The following DCAF17 variants were observed in gnomAD, a reference collection of about 807,000 sequenced individuals.
DCAF17 encodes the protein DDB1 and CUL4 associated factor 17.
Under a neutral mutation model 66.0 loss-of-function variants are expected in DCAF17, and 48 were observed. The ratio of observed to expected loss-of-function variants is 0.73; its 90% CI spans 0.58 to 0.92. The LOEUF is 0.92. Ranked by LOEUF, DCAF17 falls within the 40% of genes least tolerant of loss-of-function variation. The pLI is 0.00. For synonymous variants in DCAF17, 206 were observed against 214.6 expected (o/e 0.96, Z 0.35); for missense variants, 562 against 622.8 (o/e 0.90, Z 1.04).
intron 12 of DCAF17, among the ~76,000 whole-genome samples, chr2:171,478,444 T>C (rs1345668576): frequency 6.6e-6 from 1 of 152,216 alleles, no homozygotes; most frequent in Non-Finnish European, 1.5e-5. Flanking sequence ...CCTCATTTTT[T>C]ACTTGCTAGA....
intron 2 of DCAF17, chr2:171,443,001 TTA>T (rs1694393732): frequency 6.5e-6 from 1 of 152,732 alleles, no homozygotes; most frequent in African/African-American, 2.4e-5. Flanking sequence ...AAGTATAAAT[TTA>T]CTCAACCTTT....
At chr2:171,480,334 G>A (rs1460210430) in intron 13 of DCAF17, 141 bp downstream of exon 13, 14 of 1,022,492 alleles carry the variant, frequency 1.4e-5, no homozygotes, top group Non-Finnish European at 5.8e-6. Context: ...CCTATATACA[G>A]GACAAAAGAG....
At chr2:171,453,437 TG>T (rs1695069106) in intron 6 of DCAF17, among the ~76,000 whole-genome samples, 1 of 152,170 alleles carries the variant, frequency 6.6e-6, no homozygotes, top group South Asian at 2.1e-4. Context: ...TGGATACCTG[TG>T]GTCATTAACA....
rs1559264135 is a variant in DCAF17 at position 171,448,746 on chromosome 2, G to A, written c.387G>A (p.Trp129Ter). The stretch of plus-strand genomic sequence containing the variant: ...TCATAGCACTGACTGCTCATAATTG[G>A]CTACTTCGTATATCAGCAACTACGG... Reference protein sequence around the residue: ...SSLIALTAHNWLLRISATTGK... With the variant: ...SSLIALTAHN Residue 129 changes from tryptophan to a stop codon, truncating the protein, a stop_gained, in exon 4 of 14, where the codon TGG (tryptophan) becomes TGA (stop). Transcript: ENST00000375255. LOFTEE classifies it high-confidence loss of function. 2.5e-6 allele frequency: 4 copies of A among 1,612,622 alleles called. No individual in the cohort carries two copies. The highest frequency in any genetic ancestry group is 3.4e-6 in the Non-Finnish European group (4 of 1,179,446).
intron 2 of DCAF17, among the ~76,000 whole-genome samples, chr2:171,441,120 A>G (rs544000774): frequency 2.0e-3 from 300 of 152,302 alleles, no homozygotes; most frequent in Non-Finnish European, 2.6e-3. Flanking sequence ...TTTGCCTTTC[A>G]TCACAAACTC....
intron 9 of DCAF17, among the ~76,000 whole-genome samples, chr2:171,473,342 C>T (rs1366539339): frequency 9.2e-5 from 14 of 152,074 alleles, no homozygotes; most frequent in Admixed American, 8.5e-4. Context: ...CAGTGGCTTA[C>T]GCATGTAGTC....
chr2:171,478,178 G>T, intron 12 of DCAF17, 108 bp downstream of exon 12: 1 of 979,478 alleles, frequency 1.0e-6, no homozygotes, highest in Non-Finnish European at 1.6e-6. Flanking sequence ...TTGAGGGGTT[G>T]CAGGCAGGCC....
intron 3 of DCAF17, among the ~76,000 whole-genome samples, chr2:171,445,098 C>T (rs1298717111): frequency 6.6e-6 from 1 of 151,706 alleles, no homozygotes; most frequent in African/African-American, 2.4e-5. Context: ...GTATAAAACA[C>T]CAAAAATTTA....
intron 8 of DCAF17, among the ~76,000 whole-genome samples, chr2:171,461,202 T>G (rs4668386): frequency 6.6e-6 from 1 of 152,090 alleles, no homozygotes; most frequent in Admixed American, 6.5e-5. Context: ...CCCAGCACTT[T>G]AGGAGGCTGA....
intron 6 of DCAF17, among the ~76,000 whole-genome samples, chr2:171,454,157 T>C (rs2105763824): frequency 6.6e-6 from 1 of 152,094 alleles, no homozygotes; most frequent in Middle Eastern, 3.4e-3. Context: ...GTGACAGAGT[T>C]AGACTCTGTC....
chr2:171,445,931 C>T (rs1357566232), intron 3 of DCAF17, among the ~76,000 whole-genome samples: 1 of 152,122 alleles, frequency 6.6e-6, no homozygotes, highest in Non-Finnish European at 1.5e-5. Flanking sequence ...GATCTGCCCG[C>T]CTTGGCCTCC....
rs770193682 is a variant in DCAF17 at position 171,483,593 on chromosome 2, A to G, written c.*2479A>G. 11 of 454,024 alleles carry G rather than the reference A, an allele frequency of 2.4e-5. No individual in the cohort carries two copies. The highest frequency in any genetic ancestry group is 4.9e-5 in the Non-Finnish European group (11 of 226,802). The allele number at this position is 454,024 out of a possible 1,614,324, so 28.1% of individuals were successfully genotyped here. A position where few individuals can be genotyped will look rare whatever the true frequency, so the allele number is the denominator to read the frequency against. ...AGTGAGGAGATACCGCTCTGTTTAG[A>G]CAAATTAAGGCACTTCACATTCTTC... On this transcript the variant is annotated 3_prime_UTR_variant, in exon 14 of 14. Coordinates refer to ENST00000375255, the MANE Select transcript of DCAF17 (RefSeq NM_025000.4).
intron 1 of DCAF17, 113 bp from the exon 2 acceptor site, chr2:171,434,970 G>T (rs906920875): frequency 1.9e-6 from 2 of 1,045,792 alleles, no homozygotes; most frequent in African/African-American, 3.2e-5. Flanking sequence ...AGTGGAGGAA[G>T]GATGCAAAAA....
chr2:171,474,577 G>T (rs1667411475), intron 10 of DCAF17, among the ~76,000 whole-genome samples: 1 of 152,090 alleles, frequency 6.6e-6, no homozygotes, highest in Non-Finnish European at 1.5e-5. Flanking sequence ...CATTCTGCAT[G>T]ATTCTATTTA....
intron 10 of DCAF17, chr2:171,474,358 T>G: frequency 4.0e-6 from 1 of 250,190 alleles, no homozygotes; most frequent in South Asian, 5.2e-5. Flanking sequence ...TTTATTTTGA[T>G]TGGTTTCAGG....
chr2:171,481,595 A>G lies in DCAF17; in HGVS notation c.*481A>G, dbSNP rs1559296134. Reference sequence around the variant, plus strand: ...GAGAAATGAGATGTGTTATGTGAGAACATTATTTTGAGCCCAAAATGTGTC... The same window carrying G: ...GAGAAATGAGATGTGTTATGTGAGAGCATTATTTTGAGCCCAAAATGTGTC... On this transcript the variant is annotated 3_prime_UTR_variant, in exon 14 of 14. Transcript: ENST00000375255. 1 of 454,054 alleles carries G rather than the reference A, an allele frequency of 2.2e-6. No homozygotes were observed. The highest frequency in any genetic ancestry group is 1.6e-5 in the South Asian group (1 of 64,466). The allele number at this position is 454,054 out of a possible 1,614,324, so 28.1% of individuals were successfully genotyped here.
At chr2:171,460,972 A>G (rs963280602) in intron 8 of DCAF17, among the ~76,000 whole-genome samples, 5 of 152,240 alleles carry the variant, frequency 3.3e-5, no homozygotes, top group East Asian at 1.9e-4. Flanking sequence ...TGTTTGACTA[A>G]GAAAATTAGC....
At chr2:171,447,352 T>G (rs911473531) in intron 3 of DCAF17, 25 of 352,134 alleles carry the variant, frequency 7.1e-5, no homozygotes, top group African/African-American at 5.0e-4. Context: ...TCAGCCTCTC[T>G]TTACTTTCTT....
chr2:171,482,930 T>C lies in DCAF17; in HGVS notation c.*1816T>C, dbSNP rs893491724. 3 of 453,928 alleles carry C rather than the reference T, an allele frequency of 6.6e-6. No homozygotes were observed. The highest frequency in any genetic ancestry group is 6.9e-5 in the East Asian group (1 of 14,406). 28.1% of individuals were successfully genotyped at this position (453,928 alleles called of 1,614,324 possible). ...TGCCATCCAGGCCAGGCAGGAAATA[T>C]ACCTCATGTGAAAGACAGTAAGGAG... On this transcript the variant is annotated 3_prime_UTR_variant, in exon 14 of 14. Transcript: ENST00000375255.
Sources: allele counts gnomAD v4.1 joint callset (sites outside exome capture counted in the v4.1 genomes callset), GRCh38; gene constraint gnomAD v4.1.1; transcripts MANE v1.5; gene names NCBI Gene and HGNC (gene_info 2026-07-23, HGNC 2026-07-21).